The following ZMYM4 variants were observed in gnomAD, a reference collection of about 807,000 sequenced individuals.
ZMYM4 encodes zinc finger MYM-type protein 4.
Under a neutral mutation model 183.2 loss-of-function variants are expected in ZMYM4, and 31 were observed. The observed-to-expected ratio is 0.17, with a 90% CI of 0.13 to 0.23. ZMYM4 has a LOEUF of 0.23. ZMYM4 is among the 10% of genes least tolerant of loss of function. The pLI, the probability that ZMYM4 is intolerant of heterozygous loss-of-function variation, is 1.00. For missense variants in ZMYM4, 1,273 were observed against 1,840.3 expected (o/e 0.69, Z 5.64); for synonymous variants, 592 against 631.2 (o/e 0.94, Z 0.93).
In ZMYM4 at chr1:35,358,980, T is replaced by A; in HGVS notation, c.141T>A (p.Pro47=). The change falls in exon 3 of 30, where the codon CCT becomes CCA. Residue 47 remains proline, a synonymous_variant. Transcript: ENST00000314607. ...MSEDIDHNLT[P]TLDSMSYGMP... ...AAGATATAGACCACAACTTAACTCC[T>A]ACCCTTGACAGCATGTCTTATGGAA... 1 of 1,613,722 alleles carries A rather than the reference T, an allele frequency of 6.2e-7. No homozygotes were observed. The highest frequency in any genetic ancestry group is 8.5e-7 in the Non-Finnish European group (1 of 1,179,698).
At chr1:35,384,659 A>G (rs943942487) in intron 9 of ZMYM4, among the ~76,000 whole-genome samples, 2 of 152,032 alleles carry the variant, frequency 1.3e-5, no homozygotes, top group African/African-American at 4.8e-5. Context: ...TAAGGTTACT[A>G]ATTTCCTTAA....
At chr1:35,285,695 G>A (rs1318188041) in intron 1 of ZMYM4, among the ~76,000 whole-genome samples, 1 of 152,122 alleles carries the variant, frequency 6.6e-6, no homozygotes, top group Non-Finnish European at 1.5e-5. Context: ...ATGTGTGTAG[G>A]TTATATGCAA....
chr1:35,408,453 C>T (rs1639722351), intron 26 of ZMYM4, among the ~76,000 whole-genome samples: 1 of 152,142 alleles, frequency 6.6e-6, no homozygotes, highest in African/African-American at 2.4e-5. Context: ...AAGTAACCTG[C>T]AGGGCCAGGT....
chr1:35,381,513 C>T, intron 8 of ZMYM4, 33 bp from the exon 9 acceptor site: 1 of 1,613,432 alleles, frequency 6.2e-7, no homozygotes, highest in African/African-American at 1.3e-5. Flanking sequence ...CTCTCTGCTC[C>T]TTGTTTTTGT....
Position 35,386,108 on chromosome 1 carries a change from A to T in ZMYM4, c.1755A>T (p.Ser585=), listed in dbSNP as rs779581731. The T allele has an allele frequency of 7.4e-6, 12 of 1,613,906 alleles. No homozygotes were observed. The highest frequency in any genetic ancestry group is 9.3e-6 in the Non-Finnish European group (11 of 1,179,950). The change falls in exon 11 of 30, where the codon TCA becomes TCT. Residue 585 remains serine, a synonymous_variant. Transcript: ENST00000314607. ...VQVQCNSCKT[S]AIPQYHLAMS... ...TTCAGTGTAACAGTTGTAAAACCTCAGCAATTCCTCAGTATCACCTAGCCA... is the reference window on the plus strand; with the variant it reads ...TTCAGTGTAACAGTTGTAAAACCTCTGCAATTCCTCAGTATCACCTAGCCA...
chr1:35,405,306 C>T (rs1371624747), intron 24 of ZMYM4, 67 bp from the exon 25 acceptor site: 3 of 1,577,408 alleles, frequency 1.9e-6, no homozygotes, highest in Non-Finnish European at 1.7e-6. Flanking sequence ...TTGGTTTGGG[C>T]TTTACTTAAT....
rs1334008608 is a variant in ZMYM4, at chr1:35,419,742, G to A, written c.*65G>A. On this transcript the variant is annotated 3_prime_UTR_variant, in exon 30 of 30. Transcript: ENST00000314607. The stretch of plus-strand genomic sequence containing the variant: ...CACCAAACTGTGAATGCATCCAGCT[G>A]TTGGAAAATGATGTATAAGTCTAAG... 5.9e-6 allele frequency: 9 copies of A among 1,519,822 alleles called. No homozygotes were observed. The highest frequency in any genetic ancestry group is 8.1e-6 in the Non-Finnish European group (9 of 1,105,042). The allele number at this position is 1,519,822 out of a possible 1,614,324, so 94.1% of individuals were successfully genotyped here.
At chr1:35,341,393 A>T (rs1323069942) in intron 2 of ZMYM4, among the ~76,000 whole-genome samples, 1 of 152,126 alleles carries the variant, frequency 6.6e-6, no homozygotes, top group Non-Finnish European at 1.5e-5. Flanking sequence ...AATAAGCCCA[A>T]ATCTTAGCAT....
intron 9 of ZMYM4, among the ~76,000 whole-genome samples, chr1:35,383,275 T>TCC: frequency 6.6e-6 from 1 of 152,174 alleles, no homozygotes; most frequent in African/African-American, 2.4e-5. Context: ...ATAGTAGGTG[T>TCC]ATATATTTAT....
chr1:35,355,410 GT>G (rs1417653834), intron 2 of ZMYM4, among the ~76,000 whole-genome samples: 1 of 151,766 alleles, frequency 6.6e-6, no homozygotes, highest in Admixed American at 6.6e-5. Context: ...GTGATATCTC[GT>G]TTTATTAGTT....
intron 2 of ZMYM4, among the ~76,000 whole-genome samples, chr1:35,331,831 T>TAAAA (rs1012067083): frequency 1.4e-5 from 2 of 148,102 alleles, no homozygotes; most frequent in Non-Finnish European, 3.0e-5. Flanking sequence ...AATAAATAAA[T>TAAAA]AAATAAAATT....
intron 2 of ZMYM4, among the ~76,000 whole-genome samples, chr1:35,358,575 GTATAGATAGACTCTGAGAGTTTACTTTT>G (rs957910742): frequency 6.6e-6 from 1 of 152,098 alleles, no homozygotes; most frequent in African/African-American, 2.4e-5. Flanking sequence ...TTATGCTGTT[GTATAGATAGACTCTGAGAGTTTACTTTT>G]TAGGATTACA....
intron 26 of ZMYM4, among the ~76,000 whole-genome samples, chr1:35,412,720 T>A (rs1357891801): frequency 6.6e-6 from 1 of 152,126 alleles, no homozygotes; most frequent in Non-Finnish European, 1.5e-5. Context: ...TGAAAGTGAC[T>A]ATATTAAAAG....
At chr1:35,334,443 T>TATC (rs1420124809) in intron 2 of ZMYM4, among the ~76,000 whole-genome samples, 1 of 152,186 alleles carries the variant, frequency 6.6e-6, no homozygotes, top group Non-Finnish European at 1.5e-5. Flanking sequence ...GGATGTAAAA[T>TATC]ATCACAGCCT....
chr1:35,356,603 C>G (rs560805987), intron 2 of ZMYM4, among the ~76,000 whole-genome samples: 1 of 152,258 alleles, frequency 6.6e-6, no homozygotes, highest in South Asian at 2.1e-4. Flanking sequence ...GGACTCAAAT[C>G]ATTATTTACC....
At chr1:35,280,596 C>A (rs1640108736) in intron 1 of ZMYM4, among the ~76,000 whole-genome samples, 1 of 152,198 alleles carries the variant, frequency 6.6e-6, no homozygotes, top group Non-Finnish European at 1.5e-5. Context: ...AGTTTGAAAT[C>A]AGGATGTTGG....
At chr1:35,302,323 C>T (rs1641325289) in intron 1 of ZMYM4, among the ~76,000 whole-genome samples, 2 of 149,730 alleles carry the variant, frequency 1.3e-5, no homozygotes, top group Admixed American at 6.7e-5. Context: ...CCTCCTGCCT[C>T]AGCCTCTGGA....
At chr1:35,282,147 T>A (rs1009594487) in intron 1 of ZMYM4, among the ~76,000 whole-genome samples, 1 of 152,238 alleles carries the variant, frequency 6.6e-6, no homozygotes, top group Non-Finnish European at 1.5e-5. Context: ...TTCCTTCTGG[T>A]ATTGTGATGG....
intron 5 of ZMYM4, among the ~76,000 whole-genome samples, chr1:35,367,389 C>T (rs554346334): frequency 6.6e-6 from 1 of 151,920 alleles, no homozygotes; most frequent in Admixed American, 6.6e-5. Context: ...CCACCACACC[C>T]CGCTGATTTC....
Sources: allele counts gnomAD v4.1 joint callset (sites outside exome capture counted in the v4.1 genomes callset), GRCh38; gene constraint gnomAD v4.1.1; transcripts MANE v1.5; gene names NCBI Gene and HGNC (gene_info 2026-07-23, HGNC 2026-07-21).